The following COL11A1 variants were observed in gnomAD, a reference collection of about 807,000 sequenced individuals.
COL11A1 encodes the protein collagen alpha-1(XI) chain.
COL11A1 carries 74 observed loss-of-function variants against 265.2 expected under a neutral mutation model. That is an observed-to-expected ratio of 0.28 (90% CI 0.23 to 0.34). The LOEUF is 0.34. Ranked by LOEUF, COL11A1 falls within the 10% of genes least tolerant of loss-of-function variation. The pLI is 1.00. For missense variants in COL11A1, 2,165 were observed against 2,263.6 expected (o/e 0.96, Z 0.88); for synonymous variants, 816 against 727.6 (o/e 1.12, Z -1.96).
At chr1:103,094,068 T>C (rs761960313) in intron 1 of COL11A1, among the ~76,000 whole-genome samples, 14 of 152,066 alleles carry the variant, frequency 9.2e-5, no homozygotes, top group Non-Finnish European at 1.6e-4. Context: ...ATGTTATCCA[T>C]GGCTTCACAG....
chr1:103,057,415 A>G (rs1003911880), intron 4 of COL11A1, among the ~76,000 whole-genome samples: 3 of 152,148 alleles, frequency 2.0e-5, no homozygotes, highest in Non-Finnish European at 4.4e-5. Context: ...GACATCTTGA[A>G]TGCTTCAAAC....
In COL11A1 at chr1:103,012,437, A is replaced by G. The variant is rs1311100250; in HGVS notation, c.1605T>C (p.Gly535=). Residue 535 remains glycine, a synonymous_variant, in exon 14 of 67, where the codon GGT becomes GGC. Coordinates refer to ENST00000370096, the MANE Select transcript of COL11A1 (RefSeq NM_001854.4). The part of the protein sequence containing the change: ...IALRGPPGPM[G]LTGRPGPVGG... Reference sequence around the variant, plus strand: ...CCACAGGACCTGGTCTTCCAGTTAGACCCATTGGGCCAGGTGGGCCTCTCA... The same window carrying G: ...CCACAGGACCTGGTCTTCCAGTTAGGCCCATTGGGCCAGGTGGGCCTCTCA... 2 of 1,613,442 alleles carry G rather than the reference A, an allele frequency of 1.2e-6. No homozygotes were observed. The highest frequency in any genetic ancestry group is 3.3e-5 in the Admixed American group (2 of 59,980).
At chr1:103,016,611 C>T (rs890183297) in intron 11 of COL11A1, among the ~76,000 whole-genome samples, 1 of 151,826 alleles carries the variant, frequency 6.6e-6, no homozygotes, top group Admixed American at 6.6e-5. Flanking sequence ...AATGCTATAA[C>T]TCAAAGCGCC....
rs757779461 is a variant in COL11A1 at position 102,979,400 on chromosome 1, A to T, written c.2592T>A (p.Asn864Lys). ...STGFPGFPGA[N>K]GEKGARGVAG... Reference sequence around the variant, plus strand: ...ATCATACCCGTGCACCTTTCTCTCCATTGGCACCTGGAAACCCAGGGAATC... The same window carrying T: ...ATCATACCCGTGCACCTTTCTCTCCTTTGGCACCTGGAAACCCAGGGAATC... The change falls in exon 32 of 67, where the codon AAT (asparagine) becomes AAA (lysine). Residue 864 changes from asparagine (N) to lysine (K), a missense_variant. Transcript: ENST00000370096. 1.2e-6 allele frequency: 2 copies of T among 1,610,338 alleles called. No homozygotes were observed. Among genetic ancestry groups the T allele is most frequent in the African/African-American group, 2.7e-5 (2 of 74,846 alleles).
chr1:103,018,008 GC>G, intron 10 of COL11A1, 126 bp from the exon 11 acceptor site: 1 of 831,074 alleles, frequency 1.2e-6, no homozygotes, highest in East Asian at 2.6e-5. Flanking sequence ...CTAAACAGTT[GC>G]CCTATTTATC....
intron 4 of COL11A1, among the ~76,000 whole-genome samples, chr1:103,053,005 C>T (rs1009892463): frequency 3.9e-5 from 6 of 152,026 alleles, no homozygotes; most frequent in Non-Finnish European, 8.8e-5. Flanking sequence ...AATAATAGAC[C>T]TTAAAAGGGG....
At chr1:103,012,277 AAT>A (rs1306357762) in intron 14 of COL11A1, 134 bp downstream of exon 14, 16 of 666,444 alleles carry the variant, frequency 2.4e-5, no homozygotes, top group Non-Finnish European at 3.7e-5. Context: ...GGATTTTTTT[AAT>A]GGAAACAACA....
At chr1:102,992,555 T>C (rs2101770084) in intron 28 of COL11A1, among the ~76,000 whole-genome samples, 1 of 152,116 alleles carries the variant, frequency 6.6e-6, no homozygotes, top group Non-Finnish European at 1.5e-5. Context: ...AAATAAGGCA[T>C]ATTAAAAAGT....
At chr1:103,000,832 C>T (rs1033534362) in intron 24 of COL11A1, among the ~76,000 whole-genome samples, 4 of 151,716 alleles carry the variant, frequency 2.6e-5, no homozygotes, top group Non-Finnish European at 5.9e-5. Flanking sequence ...TGGAGAATAG[C>T]GAAAAAGTAT....
chr1:102,896,723 C>G (rs1652484172), intron 57 of COL11A1, among the ~76,000 whole-genome samples: 1 of 152,100 alleles, frequency 6.6e-6, no homozygotes, highest in African/African-American at 2.4e-5. Flanking sequence ...GGTGGTATGT[C>G]AGAAGGTTTT....
intron 54 of COL11A1, among the ~76,000 whole-genome samples, chr1:102,911,481 G>T (rs888170672): frequency 6.6e-6 from 1 of 152,092 alleles, no homozygotes; most frequent in African/African-American, 2.4e-5. Flanking sequence ...TCATGTGCCG[G>T]TTTGAAAATA....
At chr1:102,926,043 A>G (rs1656559122) in intron 46 of COL11A1, among the ~76,000 whole-genome samples, 1 of 152,032 alleles carries the variant, frequency 6.6e-6, no homozygotes, top group Non-Finnish European at 1.5e-5. Flanking sequence ...AATTATTCCA[A>G]TTAGTTCAAT....
Position 103,078,803 on chromosome 1 carries a change from G to A in COL11A1, c.343C>T (p.Leu115Phe). 1 of 1,612,508 alleles carries A rather than the reference G, an allele frequency of 6.2e-7. No homozygotes were observed. Among genetic ancestry groups the A allele is most frequent in the Non-Finnish European group, 8.5e-7 (1 of 1,179,008 alleles). The change falls in exon 3 of 67, where the codon CTT becomes TTT. Residue 115 changes from leucine to phenylalanine, a missense_variant. Transcript: ENST00000370096. The stretch of plus-strand genomic sequence containing the variant: ...CCATGCTCATTATATATAGATAAAA[G>A]GAAAGACTGAATTCCTTTTTTTGGT... ...VKPKKGIQSFLLSIYNEHGIQ... is the reference protein window; with the variant it reads ...VKPKKGIQSFFLSIYNEHGIQ...
chr1:102,936,169 A>G (rs1432142921), intron 44 of COL11A1, among the ~76,000 whole-genome samples: 1 of 151,770 alleles, frequency 6.6e-6, no homozygotes, highest in Non-Finnish European at 1.5e-5. Context: ...GTGTCTTTTC[A>G]TATTCATTTG....
chr1:102,974,010 A>G (rs1375425955), intron 36 of COL11A1, among the ~76,000 whole-genome samples: 1 of 152,200 alleles, frequency 6.6e-6, no homozygotes, highest in Non-Finnish European at 1.5e-5. Flanking sequence ...TTTAAAATAT[A>G]GACTTGGCCC....
At chr1:103,034,029 C>A (rs536214789) in intron 4 of COL11A1, among the ~76,000 whole-genome samples, 153 of 152,230 alleles carry the variant, frequency 1.0e-3, no homozygotes, top group African/African-American at 3.3e-3. Context: ...TGTTACCCTA[C>A]TACTTCATGC....
At chr1:102,892,911 T>C (rs566081597) in intron 57 of COL11A1, among the ~76,000 whole-genome samples, 11 of 152,290 alleles carry the variant, frequency 7.2e-5, no homozygotes, top group African/African-American at 2.6e-4. Flanking sequence ...AAATTACTAA[T>C]CCTCAGAGTC....
chr1:103,044,783 C>A (rs994997674), intron 4 of COL11A1, among the ~76,000 whole-genome samples: 2 of 151,854 alleles, frequency 1.3e-5, no homozygotes, highest in African/African-American at 4.8e-5. Flanking sequence ...GTGGACACAG[C>A]ACAAAGCTCC....
chr1:103,015,777 A>C (rs923894937), intron 11 of COL11A1, 35 bp from the exon 12 acceptor site: 5 of 1,347,794 alleles, frequency 3.7e-6, no homozygotes, highest in Non-Finnish European at 4.2e-6. Context: ...AAATAAATAA[A>C]TATCAAAATA....
Sources: allele counts gnomAD v4.1 joint callset (sites outside exome capture counted in the v4.1 genomes callset), GRCh38; gene constraint gnomAD v4.1.1; transcripts MANE v1.5; gene names NCBI Gene and HGNC (gene_info 2026-07-23, HGNC 2026-07-21).